RUNDC1: variants seen among roughly 807,000 people sequenced by gnomAD.
RUNDC1 encodes the protein RUN domain containing 1.
A neutral mutation model predicts 49.3 loss-of-function variants in RUNDC1; 31 were observed. The observed-to-expected ratio is 0.63, with a 90% CI of 0.47 to 0.85. The LOEUF (loss-of-function observed/expected upper bound fraction) is 0.85. Ranked by LOEUF, RUNDC1 falls within the 40% of genes least tolerant of loss-of-function variation. The probability of loss-of-function intolerance (pLI) is 0.00; values close to 1 mark genes in which losing one functional copy is unlikely to be tolerated. For synonymous variants in RUNDC1, 347 were observed against 348.6 expected (o/e 1.00, Z 0.05); for missense variants, 715 against 806.7 (o/e 0.89, Z 1.38).
chr17:42,987,249 G>A lies in RUNDC1; in HGVS notation c.499-7G>A. On this transcript the variant is annotated splice_polypyrimidine_tract_variant and splice_region_variant and intron_variant, in intron 1 of 4. Coordinates refer to ENST00000361677, the MANE Select transcript of RUNDC1 (RefSeq NM_173079.5). Reference sequence around the variant, plus strand: ...GCATAATAGACCCAATTATTTTCTTGCCTTAGAGTGAGCAGGAAAAGCAAG... The same window carrying A: ...GCATAATAGACCCAATTATTTTCTTACCTTAGAGTGAGCAGGAAAAGCAAG... 6.2e-7 allele frequency: 1 copy of A among 1,613,712 alleles called. No homozygotes were observed. The highest frequency in any genetic ancestry group is 8.5e-7 in the Non-Finnish European group (1 of 1,179,774).
intron 4 of RUNDC1, 145 bp from the exon 5 acceptor site, chr17:42,990,706 A>T (rs2151960555): frequency 1.1e-6 from 1 of 945,810 alleles, no homozygotes; most frequent in Non-Finnish European, 1.6e-6. Flanking sequence ...AACCAGAAAA[A>T]GGAAGTCCAG....
At position 42,987,351 on chromosome 17, in the gene RUNDC1, G is replaced by C. The variant is rs546954301; in HGVS notation, c.594G>C (p.Thr198=). ...AGACCCAGCTAGATGACCTGGAAAC[G>C]TTTGCCTATCAAGAGGGCAGTTATG... The part of the protein sequence containing the change: ...QLKTQLDDLE[T]FAYQEGSYDS... Residue 198 remains threonine (T), a synonymous_variant, in exon 2 of 5, where the codon ACG becomes ACC. Transcript: ENST00000361677. The C allele has an allele frequency of 6.2e-7, 1 of 1,614,104 alleles. No individual in the cohort carries two copies. Among genetic ancestry groups the C allele is most frequent in the South Asian group, 1.1e-5 (1 of 91,078 alleles).
At chr17:42,988,277 A>G (rs1049338225) in intron 2 of RUNDC1, among the ~76,000 whole-genome samples, 12 of 148,122 alleles carry the variant, frequency 8.1e-5, no homozygotes, top group South Asian at 2.1e-4. Context: ...TTTTGAGACA[A>G]AGTCTCAGTT....
chr17:42,982,741 A>G (rs1365483359), intron 1 of RUNDC1, among the ~76,000 whole-genome samples: 1 of 151,748 alleles, frequency 6.6e-6, no homozygotes, highest in Non-Finnish European at 1.5e-5. Context: ...TGGGAGGCCA[A>G]GGCGGGCGGA....
chr17:42,987,529 C>G, intron 2 of RUNDC1, 115 bp downstream of exon 2: 3 of 938,212 alleles, frequency 3.2e-6, no homozygotes, highest in Non-Finnish European at 4.8e-6. Context: ...GAGAATCCCT[C>G]TGCTGGCCCA....
chr17:42,983,373 TCC>T (rs1423312204), intron 1 of RUNDC1, among the ~76,000 whole-genome samples: 5 of 149,972 alleles, frequency 3.3e-5, no homozygotes, highest in African/African-American at 1.2e-4. Flanking sequence ...TTTTTCTTTT[TCC>T]TTTTTTTTTT....
intron 1 of RUNDC1, among the ~76,000 whole-genome samples, chr17:42,986,655 A>G (rs1047191805): frequency 1.0e-4 from 15 of 149,398 alleles, no homozygotes; most frequent in African/African-American, 2.2e-4. Context: ...CCGCCACCAC[A>G]CCCGGCTAAT....
chr17:42,986,465 G>C (rs911879337), intron 1 of RUNDC1, among the ~76,000 whole-genome samples: 2 of 152,024 alleles, frequency 1.3e-5, no homozygotes, highest in Admixed American at 6.6e-5. Flanking sequence ...ACATCAAAGG[G>C]ACTTTGGTGA....
In RUNDC1 at chr17:42,991,127, G is replaced by A. The variant is rs776639410; in HGVS notation, c.1253G>A (p.Gly418Asp). 1.2e-6 allele frequency: 2 copies of A among 1,614,216 alleles called. No homozygotes were observed. The highest frequency in any genetic ancestry group is 1.7e-6 in the Non-Finnish European group (2 of 1,180,038). ...AACCTCCAGGACCTCTCTCTGGGAG[G>A]CAAGGATGAGCTGACTATGGCTGTG... ...SANLQDLSLG[G>D]KDELTMAVRK... The change falls in exon 5 of 5, where the codon GGC becomes GAC. Residue 418 changes from glycine (G) to aspartate (D), a missense_variant. Transcript: ENST00000361677.
At chr17:42,983,964 G>T (rs1284505146) in intron 1 of RUNDC1, among the ~76,000 whole-genome samples, 1 of 151,228 alleles carries the variant, frequency 6.6e-6, no homozygotes, top group African/African-American at 2.4e-5. Context: ...GATTATAGGT[G>T]TGAGCCACCG....
At position 42,991,095 on chromosome 17, in the gene RUNDC1, C is replaced by G; in HGVS notation, c.1221C>G (p.Thr407=). Residue 407 remains threonine (T), a synonymous_variant, in exon 5 of 5, where the codon ACC becomes ACG. Transcript: ENST00000361677. ...LRQQPHDHVI[T]SANLQDLSLG... is the part of the protein sequence containing the mutation. ...AGCAGCCACATGACCATGTCATCAC[C>G]TCTGCCAACCTCCAGGACCTCTCTC... The G allele has an allele frequency of 6.2e-7, 1 of 1,614,204 alleles. No homozygotes were observed. Among genetic ancestry groups the G allele is most frequent in the South Asian group, 1.1e-5 (1 of 91,082 alleles).
chr17:42,982,152 A>G (rs2050106273), intron 1 of RUNDC1: 1 of 151,632 alleles, frequency 6.6e-6, no homozygotes, highest in Non-Finnish European at 1.5e-5. Context: ...CACCCAGTTA[A>G]TTTTGTTTAT....
intron 1 of RUNDC1, among the ~76,000 whole-genome samples, chr17:42,982,410 C>T (rs962601585): frequency 2.0e-5 from 3 of 152,078 alleles, no homozygotes; most frequent in African/African-American, 7.2e-5. Flanking sequence ...TGAACTGTTT[C>T]CAGTGCAATC....
At position 42,991,619 on chromosome 17, in the gene RUNDC1, G is replaced by A; in HGVS notation, c.1745G>A (p.Ser582Asn). ...WSYMAHTGFE[S>N]ALNLLSRLSS... ...TACATGGCACACACAGGCTTTGAGA[G>A]TGCCCTCAACCTGCTCAGTCGCCTC... is the stretch of plus-strand genomic sequence containing the variant. The change falls in exon 5 of 5, where the codon AGT becomes AAT. Residue 582 changes from serine to asparagine, a missense_variant. By Grantham distance (46) the Ser-to-Asn change is conservative (BLOSUM62 1). Around this residue, in one of 5 missense-constraint regions of RUNDC1, gnomAD observed 425 missense variants for 499.7 expected, o/e 0.85. Coordinates refer to ENST00000361677, the MANE Select transcript of RUNDC1 (RefSeq NM_173079.5). 6.2e-7 allele frequency: 1 copy of A among 1,614,174 alleles called. No homozygotes were observed. Among genetic ancestry groups the A allele is most frequent in the South Asian group, 1.1e-5 (1 of 91,088 alleles).
At chr17:42,981,217 G>A in intron 1 of RUNDC1, 143 bp downstream of exon 1, 2 of 1,143,928 alleles carry the variant, frequency 1.7e-6, no homozygotes, top group Non-Finnish European at 2.4e-6. Flanking sequence ...CAGGGGACTG[G>A]AGTGCGGGGC....
intron 1 of RUNDC1, among the ~76,000 whole-genome samples, chr17:42,982,412 A>T (rs2050111899): frequency 6.6e-6 from 1 of 152,172 alleles, no homozygotes. Context: ...AACTGTTTCC[A>T]GTGCAATCCT....
intron 4 of RUNDC1, 107 bp from the exon 5 acceptor site, chr17:42,990,744 T>C (rs1428336272): frequency 2.2e-6 from 3 of 1,376,688 alleles, no homozygotes; most frequent in South Asian, 1.4e-5. Context: ...CTTGCCTTCA[T>C]GTGAGACCCA....
In RUNDC1 at chr17:42,990,877, C is replaced by T. The variant is rs199952607; in HGVS notation, c.1003C>T (p.Arg335Trp). The T allele has an allele frequency of 6.1e-5, 97 of 1,601,564 alleles. No homozygotes were observed. The highest frequency in any genetic ancestry group is 1.7e-4 in the Middle Eastern group (1 of 6,026). Reference protein sequence around the residue: ...KTKAEDVKKVRETGLHLMRRA... With the variant: ...KTKAEDVKKVWETGLHLMRRA... Reference sequence around the variant, plus strand: ...AAAGGCAGAGGATGTGAAGAAAGTCCGGGAGACGGGGCTGCACCTGATGCG... The same window carrying T: ...AAAGGCAGAGGATGTGAAGAAAGTCTGGGAGACGGGGCTGCACCTGATGCG... The change falls in exon 5 of 5, where the codon CGG becomes TGG. Residue 335 changes from arginine (R) to tryptophan (W), a missense_variant. By Grantham distance (101) the Arg-to-Trp change is moderately radical. Coordinates refer to ENST00000361677, the MANE Select transcript of RUNDC1 (RefSeq NM_173079.5).
At chr17:42,988,849 T>G (rs1043803038) in intron 2 of RUNDC1, among the ~76,000 whole-genome samples, 1 of 152,108 alleles carries the variant, frequency 6.6e-6, no homozygotes, top group African/African-American at 2.4e-5. Flanking sequence ...TGGTAGCGTG[T>G]GTCTATAGTC....
Sources: allele counts gnomAD v4.1 joint callset (sites outside exome capture counted in the v4.1 genomes callset), GRCh38; gene constraint gnomAD v4.1.1; regional missense constraint gnomAD v4.1.1; transcripts MANE v1.5; gene names NCBI Gene and HGNC (gene_info 2026-07-23, HGNC 2026-07-21).